The following CFAP20DC variants were observed in gnomAD, a reference collection of about 807,000 sequenced individuals.
The protein encoded by CFAP20DC is CFAP20 domain containing.
In CFAP20DC, 84 loss-of-function variants were observed where a neutral mutation model predicts 101.7. That is an observed-to-expected ratio of 0.83 (90% CI 0.69 to 0.99). The LOEUF (loss-of-function observed/expected upper bound fraction) is 0.99. Ranked by LOEUF, CFAP20DC falls within the 50% of genes least tolerant of loss-of-function variation. CFAP20DC has a pLI of 0.00. For synonymous variants in CFAP20DC, 359 were observed against 351.2 expected (o/e 1.02, Z -0.25); for missense variants, 1,007 against 970.3 (o/e 1.04, Z -0.50).
At chr3:58,851,102 G>T (rs1173487019) in intron 12 of CFAP20DC, among the ~76,000 whole-genome samples, 1 of 152,160 alleles carries the variant, frequency 6.6e-6, no homozygotes, top group Non-Finnish European at 1.5e-5. Context: ...TCTAGGTGCT[G>T]CAGATTCTCG....
At chr3:59,049,494 C>A in intron 1 of CFAP20DC, 117 bp downstream of exon 1, 2 of 968,278 alleles carry the variant, frequency 2.1e-6, no homozygotes, top group South Asian at 2.8e-5. Context: ...TCTGTCTTAC[C>A]CCTGAAAAAG....
intron 4 of CFAP20DC, among the ~76,000 whole-genome samples, chr3:59,033,050 G>C (rs933562777): frequency 4.6e-5 from 7 of 152,134 alleles, no homozygotes; most frequent in African/African-American, 1.7e-4. Context: ...GTGATACCTA[G>C]GCAAACAGGG....
chr3:59,025,212 C>G (rs976694929), intron 4 of CFAP20DC, among the ~76,000 whole-genome samples: 1 of 152,176 alleles, frequency 6.6e-6, no homozygotes, highest in Admixed American at 6.6e-5. Flanking sequence ...TAACTAGCAT[C>G]CATACCAAAA....
At chr3:58,830,746 G>C (rs1575804744) in intron 14 of CFAP20DC, among the ~76,000 whole-genome samples, 1 of 152,052 alleles carries the variant, frequency 6.6e-6, no homozygotes, top group Admixed American at 6.5e-5. Flanking sequence ...GTATATTTTA[G>C]TCTGTTTGCT....
chr3:58,880,975 A>C (rs9855539), intron 7 of CFAP20DC, among the ~76,000 whole-genome samples: 2,529 of 152,238 alleles, frequency 0.017, 75 homozygotes, highest in African/African-American at 0.058. Flanking sequence ...GTCTTGATTT[A>C]TTTTGAAGTC....
At chr3:58,879,098 G>A (rs2081022160) in intron 7 of CFAP20DC, among the ~76,000 whole-genome samples, 1 of 151,778 alleles carries the variant, frequency 6.6e-6, no homozygotes, top group Non-Finnish European at 1.5e-5. Context: ...ATCTCTGCAA[G>A]CCTCAGTTCC....
intron 15 of CFAP20DC, among the ~76,000 whole-genome samples, chr3:58,801,478 G>T (rs9682096): frequency 0.12 from 18,295 of 152,142 alleles, 1,983 homozygotes; most frequent in East Asian, 0.35. Context: ...TTTAAAATGA[G>T]CGAAACTTAA....
chr3:59,034,182 G>A (rs2094050346), intron 4 of CFAP20DC, among the ~76,000 whole-genome samples: 1 of 152,076 alleles, frequency 6.6e-6, no homozygotes, highest in African/African-American at 2.4e-5. Context: ...CCTTACAAGA[G>A]CTCCTCAAGG....
intron 4 of CFAP20DC, among the ~76,000 whole-genome samples, chr3:59,020,354 T>A (rs2093778490): frequency 6.6e-6 from 1 of 152,030 alleles, no homozygotes; most frequent in Admixed American, 6.6e-5. Flanking sequence ...CATAACATTT[T>A]AAATAAAATA....
intron 15 of CFAP20DC, among the ~76,000 whole-genome samples, chr3:58,778,719 G>C (rs2071560963): frequency 6.6e-6 from 1 of 152,212 alleles, no homozygotes; most frequent in African/African-American, 2.4e-5. Flanking sequence ...CCCAAATACA[G>C]GCATGGTCAG....
At chr3:58,928,186 T>C (rs1049189488) in intron 5 of CFAP20DC, among the ~76,000 whole-genome samples, 9 of 152,100 alleles carry the variant, frequency 5.9e-5, no homozygotes, top group African/African-American at 2.2e-4. Context: ...ACTGGTAAAA[T>C]AAGATATGCT....
chr3:58,758,872 C>A lies in CFAP20DC; in HGVS notation c.2238-5009G>T, dbSNP rs373207449. ...TCCCTACAAAGGACAAGAACTCATC[C>A]TTTTTTATGGCTGCATAGTATTCCA... is the stretch of plus-strand genomic sequence containing the variant. On this transcript the variant is annotated intron_variant, in intron 15 of 16. Coordinates refer to ENST00000482387, the MANE Select transcript of CFAP20DC (RefSeq NM_001394063.1). 5.5e-4 allele frequency among the ~76,000 whole-genome samples: 83 copies of A among 152,056 alleles called. 1 individual carries two copies. The East Asian group carries it at 0.013, about 25-fold the overall frequency.
At chr3:58,850,921 G>A (rs1421197591) in intron 12 of CFAP20DC, among the ~76,000 whole-genome samples, 1 of 152,084 alleles carries the variant, frequency 6.6e-6, no homozygotes, top group Non-Finnish European at 1.5e-5. Context: ...ACATAATGGT[G>A]GCAGTCTCCG....
At chr3:59,044,987 GACACACACACAC>G (rs57196071) in intron 3 of CFAP20DC, among the ~76,000 whole-genome samples, 95 of 139,932 alleles carry the variant, frequency 6.8e-4, no homozygotes, top group Middle Eastern at 3.5e-3. Context: ...TCCTATTACA[GACACACACACAC>G]ACACACACAC....
intron 7 of CFAP20DC, among the ~76,000 whole-genome samples, chr3:58,873,828 C>T (rs1024402496): frequency 2.0e-5 from 3 of 150,848 alleles, no homozygotes. Flanking sequence ...TGGATGCTGT[C>T]AGGCAGGTGT....
chr3:58,904,102 A>G (rs1365150664), intron 6 of CFAP20DC, among the ~76,000 whole-genome samples: 1 of 152,106 alleles, frequency 6.6e-6, no homozygotes, highest in African/African-American at 2.4e-5. Context: ...AAATCTTCTA[A>G]TCCATGCATG....
At chr3:58,829,860 T>C (rs776810717) in intron 14 of CFAP20DC, among the ~76,000 whole-genome samples, 1 of 152,160 alleles carries the variant, frequency 6.6e-6, no homozygotes, top group African/African-American at 2.4e-5. Flanking sequence ...AATGTTGGTC[T>C]CCAAGCTACT....
At chr3:58,761,406 C>A (rs1178881006) in intron 15 of CFAP20DC, among the ~76,000 whole-genome samples, 2 of 151,830 alleles carry the variant, frequency 1.3e-5, no homozygotes, top group Non-Finnish European at 2.9e-5. Context: ...TTTTATTGCA[C>A]CTATTTGATT....
rs1166930817 is a variant in CFAP20DC, at chr3:58,971,207, A to ATATCT, written c.279-33446_279-33445insAGATA. 1.3e-5 allele frequency among the ~76,000 whole-genome samples: 2 copies of ATATCT among 152,222 alleles called. No individual in the cohort carries two copies. ...GATCACTTTCTGAAGCTTACCATAA[A>ATATCT]GAAGATATTTGGCACTGAAAGTACG... is the stretch of plus-strand genomic sequence containing the variant. On this transcript the variant is annotated intron_variant, in intron 4 of 16. Transcript: ENST00000482387. This position sits in a 1 kb window ranked among gnomAD's most constrained non-coding sequence, Gnocchi z 4.1.
Sources: allele counts gnomAD v4.1 joint callset (sites outside exome capture counted in the v4.1 genomes callset), GRCh38; gene constraint gnomAD v4.1.1; non-coding constraint Gnocchi (gnomAD v3.1); transcripts MANE v1.5; gene names NCBI Gene and HGNC (gene_info 2026-07-23, HGNC 2026-07-21).